The following GALNTL6 variants were observed in gnomAD, a reference collection of about 807,000 sequenced individuals.
GALNTL6 encodes the protein polypeptide N-acetylgalactosaminyltransferase like 6, also known as polypeptide N-acetylgalactosaminyltransferase-like 6.
A neutral mutation model predicts 73.7 loss-of-function variants in GALNTL6; 46 were observed. The observed-to-expected ratio is 0.62, with a 90% confidence interval of 0.49 to 0.80. The LOEUF is 0.80. Ranked by LOEUF, GALNTL6 falls within the 30% of genes least tolerant of loss-of-function variation. GALNTL6 has a pLI of 0.00. For missense variants in GALNTL6, 604 were observed against 755.0 expected (o/e 0.80, Z 2.34); for synonymous variants, 259 against 263.7 (o/e 0.98, Z 0.17).
chr4:172,206,984 G>A lies in GALNTL6; in HGVS notation c.139-22672G>A, dbSNP rs371670594. Among the ~76,000 whole-genome samples, 414 of 151,158 alleles carry A rather than the reference G, an allele frequency of 2.7e-3. 1 individual carries two copies. The highest frequency in any genetic ancestry group is 3.9e-3 in the Non-Finnish European group (262 of 67,666). ...AGGCACCCACCACCACGCCCGGCTAGTTTTTTGTATTTTTAGTAGAGGCGG... is the reference window on the plus strand; with the variant it reads ...AGGCACCCACCACCACGCCCGGCTAATTTTTTGTATTTTTAGTAGAGGCGG... On this transcript the variant is annotated intron_variant, in intron 2 of 12. Transcript: ENST00000506823.
At chr4:172,949,672 G>A (rs554735810) in intron 9 of GALNTL6, among the ~76,000 whole-genome samples, 9 of 152,102 alleles carry the variant, frequency 5.9e-5, no homozygotes, top group South Asian at 2.1e-4. Flanking sequence ...CACTTTGGGA[G>A]GCCAACGCGG....
At position 172,349,846 on chromosome 4, in the gene GALNTL6, T is replaced by TATA. The variant is rs66675725; in HGVS notation, c.553+1157_553+1158insATA. On this transcript the variant is annotated intron_variant, in intron 5 of 12. Transcript: ENST00000506823. ...TTAAAAAAAAATATATATATATATA[T>TATA]TTTTTTTAAACTATCAACCTGGTCA... Among the ~76,000 whole-genome samples, 1,152 of 120,480 alleles carry TATA rather than the reference T, an allele frequency of 9.6e-3. 10 individuals carry two copies. The highest frequency in any genetic ancestry group is 0.037 in the African/African-American group (1,064 of 29,068). The allele number at this position is 120,480 out of a possible 152,430, so 79.0% of individuals were successfully genotyped here. A position where few individuals can be genotyped will look rare whatever the true frequency, so the allele number is the denominator to read the frequency against.
chr4:172,809,365 C>A lies in GALNTL6; in HGVS notation c.558C>A (p.His186Gln), dbSNP rs1202273674. The change falls in exon 6 of 13, where the codon CAC becomes CAA. Residue 186 changes from histidine to glutamine, a missense_variant. Transcript: ENST00000506823. The surrounding 1 kb of genome is among the most constrained non-coding windows in gnomAD (Gnocchi z 4.4). ...ILVDDFSERE[H>Q]LKDKLEEYMA... The stretch of plus-strand genomic sequence containing the variant: ...CATTCTCTACTTCCTACCTAGAACA[C>A]CTGAAGGATAAATTGGAAGAATACA... 6.2e-7 allele frequency: 1 copy of A among 1,613,142 alleles called. No homozygotes were observed. Among genetic ancestry groups the A allele is most frequent in the South Asian group, 1.1e-5 (1 of 90,944 alleles).
chr4:172,899,971 G>A (rs1056248408), intron 8 of GALNTL6, among the ~76,000 whole-genome samples: 1 of 152,006 alleles, frequency 6.6e-6, no homozygotes, highest in Non-Finnish European at 1.5e-5. Flanking sequence ...GCTTCCTTAC[G>A]GCAACTTGTT....
At chr4:171,949,291 A>G (rs915653386) in intron 2 of GALNTL6, among the ~76,000 whole-genome samples, 2 of 152,200 alleles carry the variant, frequency 1.3e-5, no homozygotes, top group Non-Finnish European at 2.9e-5. Flanking sequence ...AATAACAAGC[A>G]AATGTATCTT....
chr4:172,892,502 T>C (rs1579618540), intron 8 of GALNTL6, among the ~76,000 whole-genome samples: 1 of 152,106 alleles, frequency 6.6e-6, no homozygotes. Flanking sequence ...TAATTCAGGA[T>C]GCGAACCAGT....
chr4:172,932,482 T>C (rs992411305), intron 9 of GALNTL6, among the ~76,000 whole-genome samples: 1 of 152,312 alleles, frequency 6.6e-6, no homozygotes, highest in African/African-American at 2.4e-5. Flanking sequence ...CATTTCTCTT[T>C]AGCTACATCC....
intron 5 of GALNTL6, among the ~76,000 whole-genome samples, chr4:172,655,421 A>G (rs1220643060): frequency 6.6e-6 from 1 of 152,184 alleles, no homozygotes; most frequent in Non-Finnish European, 1.5e-5. Flanking sequence ...AGGTCCTACT[A>G]TTCACCAGAC....
chr4:172,411,575 G>T (rs1744437287), intron 5 of GALNTL6, among the ~76,000 whole-genome samples: 2 of 151,550 alleles, frequency 1.3e-5, no homozygotes, highest in Admixed American at 6.6e-5. Context: ...AATGCTGATG[G>T]CGTGCTTTCT....
intron 12 of GALNTL6, among the ~76,000 whole-genome samples, chr4:173,039,233 G>A (rs918675257): frequency 6.6e-6 from 1 of 152,094 alleles, no homozygotes; most frequent in Non-Finnish European, 1.5e-5. Flanking sequence ...CAATGAGAAC[G>A]GCAGCACTGG....
At chr4:172,731,670 T>A (rs549184245) in intron 5 of GALNTL6, among the ~76,000 whole-genome samples, 13 of 152,060 alleles carry the variant, frequency 8.5e-5, no homozygotes, top group Non-Finnish European at 1.9e-4. Context: ...ACTTTTTTGA[T>A]ATAAGCATTT....
At chr4:172,141,380 A>G (rs987104937) in intron 2 of GALNTL6, among the ~76,000 whole-genome samples, 1 of 152,068 alleles carries the variant, frequency 6.6e-6, no homozygotes, top group African/African-American at 2.4e-5. Flanking sequence ...AACATTTACA[A>G]TACAATGTGA....
intron 3 of GALNTL6, among the ~76,000 whole-genome samples, chr4:172,244,231 G>C (rs192465630): frequency 5.4e-4 from 82 of 152,216 alleles, no homozygotes; most frequent in African/African-American, 1.9e-3. Flanking sequence ...GAAATGAAAA[G>C]AGATTGTGAG....
chr4:172,613,311 CAGAA>C (rs1738601422), intron 5 of GALNTL6, among the ~76,000 whole-genome samples: 1 of 151,998 alleles, frequency 6.6e-6, no homozygotes, highest in African/African-American at 2.4e-5. Context: ...ACAGTGATCA[CAGAA>C]GGGCCTTCTA....
At chr4:172,110,406 T>C (rs1024235694) in intron 2 of GALNTL6, among the ~76,000 whole-genome samples, 4 of 152,294 alleles carry the variant, frequency 2.6e-5, no homozygotes, top group African/African-American at 9.6e-5. Flanking sequence ...GAAGATAGGA[T>C]GAACTGTGGA....
chr4:172,331,793 G>T (rs1741134728), intron 4 of GALNTL6, among the ~76,000 whole-genome samples: 1 of 151,834 alleles, frequency 6.6e-6, no homozygotes. Context: ...CAAACATTTG[G>T]GTTTCTTCCA....
At chr4:172,199,409 C>T (rs547582844) in intron 2 of GALNTL6, among the ~76,000 whole-genome samples, 3 of 152,230 alleles carry the variant, frequency 2.0e-5, no homozygotes, top group Admixed American at 6.5e-5. Context: ...AAATTATTTT[C>T]GTGATCATTT....
chr4:172,108,466 A>C (rs1458183535), intron 2 of GALNTL6, among the ~76,000 whole-genome samples: 1 of 152,172 alleles, frequency 6.6e-6, no homozygotes, highest in African/African-American at 2.4e-5. Flanking sequence ...CTGTAAGCCT[A>C]AACAGTCAGG....
intron 3 of GALNTL6, among the ~76,000 whole-genome samples, chr4:172,308,309 G>A (rs1227889603): frequency 1.3e-5 from 2 of 151,768 alleles, no homozygotes; most frequent in Non-Finnish European, 2.9e-5. Context: ...CAACTTGGAT[G>A]CCCCTTATTT....
Sources: gnomAD v4.1 joint callset for allele counts (sites outside exome capture counted in the v4.1 genomes callset) on GRCh38, gnomAD v4.1.1 for gene constraint, Gnocchi (gnomAD v3.1) non-coding constraint, MANE v1.5 for transcripts, NCBI Gene and HGNC (gene_info 2026-07-23, HGNC 2026-07-21) for gene names.